Variants in BAG4 observed in about 807,000 individuals in gnomAD.
BAG4 encodes BAG cochaperone 4, also known as BAG family molecular chaperone regulator 4.
In BAG4, 28 loss-of-function variants were observed where a neutral mutation model predicts 52.1. The ratio of observed to expected loss-of-function variants is 0.54; its 90% confidence interval spans 0.40 to 0.74. The LOEUF (loss-of-function observed/expected upper bound fraction) is 0.74. Ranked by LOEUF, BAG4 falls within the 30% of genes least tolerant of loss-of-function variation. The probability of loss-of-function intolerance (pLI) is 0.00; values close to 1 mark genes in which losing one functional copy is unlikely to be tolerated. For missense variants in BAG4, 525 were observed against 572.0 expected (o/e 0.92, Z 0.84); for synonymous variants, 208 against 217.0 (o/e 0.96, Z 0.37).
At chr8:38,182,718 A>G (rs969341056) in intron 1 of BAG4, among the ~76,000 whole-genome samples, 1 of 152,192 alleles carries the variant, frequency 6.6e-6, no homozygotes, top group Admixed American at 6.6e-5. Flanking sequence ...GCTATTTCAT[A>G]GAATTAGTGT....
intron 3 of BAG4, among the ~76,000 whole-genome samples, chr8:38,208,307 CTTT>C (rs769667054): frequency 3.7e-5 from 4 of 107,414 alleles, no homozygotes; most frequent in Admixed American, 1.0e-4. Flanking sequence ...CTGTTAGGTT[CTTT>C]TTTTTTTTTT....
intron 1 of BAG4, among the ~76,000 whole-genome samples, chr8:38,177,378 C>G (rs1308595237): frequency 1.3e-5 from 2 of 152,302 alleles, no homozygotes; most frequent in African/African-American, 4.8e-5. Flanking sequence ...AAAGATCCTG[C>G]GCGGACTTAC....
intron 2 of BAG4, among the ~76,000 whole-genome samples, chr8:38,193,706 C>T (rs1803515383): frequency 6.6e-6 from 1 of 151,210 alleles, no homozygotes; most frequent in Admixed American, 6.6e-5. Flanking sequence ...GCTGGGACTA[C>T]AGGCACACAC....
At chr8:38,180,973 CTCTGTTA>C (rs1183522984) in intron 1 of BAG4, among the ~76,000 whole-genome samples, 4 of 147,488 alleles carry the variant, frequency 2.7e-5, no homozygotes, top group Non-Finnish European at 5.9e-5. Context: ...CCGAGTTTCA[CTCTGTTA>C]CCCAGGCTGG....
intron 2 of BAG4, 79 bp from the exon 3 acceptor site, chr8:38,207,433 T>A: frequency 6.8e-7 from 1 of 1,473,938 alleles, no homozygotes; most frequent in South Asian, 1.3e-5. Flanking sequence ...CTCAAAGTTT[T>A]CAAGTTTAGG....
chr8:38,208,264 C>T (rs1264013984), intron 3 of BAG4, among the ~76,000 whole-genome samples: 9 of 148,938 alleles, frequency 6.0e-5, no homozygotes, highest in East Asian at 3.9e-4. Context: ...CATGAGCCAC[C>T]GTGCCAGGCA....
Position 38,207,542 on chromosome 8 carries a change from G to T in BAG4, c.409G>T (p.Gly137Cys). The change falls in exon 3 of 5, where the codon GGT becomes TGT. Residue 137 changes from glycine to cysteine, a missense_variant. Physicochemically the swap from Gly to Cys is radical, Grantham distance 159 (BLOSUM62 -3). Coordinates refer to ENST00000287322, the MANE Select transcript of BAG4 (RefSeq NM_004874.4). ...GAATTCTTATACAAATGGAGCGTAT[G>T]GTCCAACATACCCCCCAGGCCCTGG... ...SLNSYTNGAY[G>C]PTYPPGPGAN... 1 of 1,613,430 alleles carries T rather than the reference G, an allele frequency of 6.2e-7. No individual in the cohort carries two copies. Among genetic ancestry groups the T allele is most frequent in the Non-Finnish European group, 8.5e-7 (1 of 1,179,880 alleles).
chr8:38,203,834 C>CA (rs58448399), intron 2 of BAG4: 1,140 of 55,078 alleles, frequency 0.021, 9 homozygotes, highest in East Asian at 0.032. Flanking sequence ...GACCCTGTCT[C>CA]AAAAAAAAAA....
rs192460147 is a variant in BAG4, at chr8:38,211,746, T to G, written c.*1253T>G. The G allele has an allele frequency of 2.0e-4, 31 of 152,250 alleles. 1 individual carries two copies. In the South Asian group the frequency reaches 5.0e-3, roughly 24 times the overall value. 9.4% of individuals were successfully genotyped at this position (152,250 alleles called of 1,614,324 possible). A position where few individuals can be genotyped will look rare whatever the true frequency, so the allele number is the denominator to read the frequency against. ...TTAATAAAAAGACATTTATTACCAT[T>G]ATTAACAGTCATTTTAGAGCCAAAT... On this transcript the variant is annotated 3_prime_UTR_variant, in exon 5 of 5. Coordinates refer to ENST00000287322, the MANE Select transcript of BAG4 (RefSeq NM_004874.4).
chr8:38,201,697 C>G (rs1454754440), intron 2 of BAG4: 1 of 151,602 alleles, frequency 6.6e-6, no homozygotes, highest in Non-Finnish European at 1.5e-5. Flanking sequence ...TACCTTCCGG[C>G]TACCTCCTTG....
In BAG4 at chr8:38,211,528, T is replaced by C. The variant is rs187833453; in HGVS notation, c.*1035T>C. Reference sequence around the variant, plus strand: ...AAATATGATTACTTGGTAATATCATTCTCCATCTAAAATACTAGTTTCACC... The same window carrying C: ...AAATATGATTACTTGGTAATATCATCCTCCATCTAAAATACTAGTTTCACC... On this transcript the variant is annotated 3_prime_UTR_variant, in exon 5 of 5. Transcript: ENST00000287322. 6.6e-6 allele frequency: 1 copy of C among 152,166 alleles called. No individual in the cohort carries two copies. The highest frequency in any genetic ancestry group is 1.9e-4 in the East Asian group (1 of 5,184). The allele number at this position is 152,166 out of a possible 1,614,324, so 9.4% of individuals were successfully genotyped here. A position where few individuals can be genotyped will look rare whatever the true frequency, so the allele number is the denominator to read the frequency against.
chr8:38,183,270 A>G (rs2130663174), intron 1 of BAG4, among the ~76,000 whole-genome samples: 1 of 151,988 alleles, frequency 6.6e-6, no homozygotes, highest in Admixed American at 6.6e-5. Flanking sequence ...GATGGTCTCG[A>G]TCTCCTGACC....
At position 38,177,011 on chromosome 8, in the gene BAG4, A is replaced by G. The variant is rs1181032965; in HGVS notation, c.142A>G (p.Ile48Val). ...PLRPEPPQPP[I>V]SWRVRGGGPA... ...TCGCCCTGAACCTCCCCAGCCTCCC[A>G]TTTCCTGGCGGGTGCGCGGGGGCGG... The change falls in exon 1 of 5, where the codon ATT becomes GTT. Residue 48 changes from isoleucine to valine, a missense_variant. Ile to Val is a conservative substitution (Grantham distance 29). Around this residue, in one of 2 missense-constraint regions of BAG4, gnomAD observed 287 missense variants for 266.1 expected, o/e 1.08. Transcript: ENST00000287322. 6.2e-7 allele frequency: 1 copy of G among 1,604,032 alleles called. No homozygotes were observed. Among genetic ancestry groups the G allele is most frequent in the Non-Finnish European group, 8.5e-7 (1 of 1,175,760 alleles).
At chr8:38,200,478 C>G (rs969706235) in intron 2 of BAG4, among the ~76,000 whole-genome samples, 12 of 152,142 alleles carry the variant, frequency 7.9e-5, no homozygotes, top group Non-Finnish European at 2.9e-5. Flanking sequence ...GATGGACTCT[C>G]TCTCTCTTTT....
At chr8:38,190,071 C>T (rs535664703) in intron 1 of BAG4, among the ~76,000 whole-genome samples, 6 of 152,248 alleles carry the variant, frequency 3.9e-5, no homozygotes, top group East Asian at 1.9e-4. Flanking sequence ...AGGTGTGAGC[C>T]GCTGCACCCA....
At chr8:38,209,436 T>C (rs1803831722) in intron 4 of BAG4, 169 bp downstream of exon 4, 1 of 779,154 alleles carries the variant, frequency 1.3e-6, no homozygotes, top group African/African-American at 1.8e-5. Flanking sequence ...TTTTTTTTAA[T>C]AGACTTTATA....
At chr8:38,185,950 C>T (rs984895959) in intron 1 of BAG4, among the ~76,000 whole-genome samples, 3 of 152,192 alleles carry the variant, frequency 2.0e-5, no homozygotes, top group African/African-American at 7.2e-5. Context: ...CTCCATCCCT[C>T]CTTTTTTGCA....
intron 2 of BAG4, among the ~76,000 whole-genome samples, chr8:38,193,266 A>G (rs1803505714): frequency 6.6e-6 from 1 of 151,862 alleles, no homozygotes; most frequent in African/African-American, 2.4e-5. Context: ...TAAAAATACA[A>G]AAATTAGCTG....
intron 2 of BAG4, among the ~76,000 whole-genome samples, chr8:38,196,797 C>T (rs1803568253): frequency 6.6e-6 from 1 of 151,952 alleles, no homozygotes; most frequent in South Asian, 2.1e-4. Context: ...ATTCTTTGGG[C>T]CTGGTGCGGT....
Sources: gnomAD v4.1 joint callset for allele counts (sites outside exome capture counted in the v4.1 genomes callset) on GRCh38, gnomAD v4.1.1 for gene constraint, gnomAD v4.1.1 regional missense constraint, MANE v1.5 for transcripts, NCBI Gene and HGNC (gene_info 2026-07-23, HGNC 2026-07-21) for gene names.